ALK: variants seen among roughly 807,000 people sequenced by gnomAD.
ALK encodes the protein ALK tyrosine kinase receptor.
Under a neutral mutation model 163.1 loss-of-function variants are expected in ALK, and 74 were observed. That is an observed-to-expected ratio of 0.45 (90% CI 0.38 to 0.55). The LOEUF is 0.55. Ranked by LOEUF, ALK falls within the 20% of genes least tolerant of loss-of-function variation. The pLI, the probability that ALK is intolerant of heterozygous loss-of-function variation, is 0.00. For missense variants in ALK, 2,063 were observed against 2,105.3 expected, an observed-to-expected ratio of 0.98 and a Z score of 0.39; for synonymous variants, 960 against 843.2, an observed-to-expected ratio of 1.14 and a Z score of -2.40.
intron 3 of ALK, among the ~76,000 whole-genome samples, chr2:29,587,946 C>G (rs1433830981): frequency 2.0e-5 from 3 of 152,184 alleles, no homozygotes; most frequent in Non-Finnish European, 4.4e-5. Flanking sequence ...GCATCTAACC[C>G]TCCTCTTGGT....
intron 1 of ALK, among the ~76,000 whole-genome samples, chr2:29,721,283 C>T (rs1679414027): frequency 6.6e-6 from 1 of 152,182 alleles, no homozygotes; most frequent in South Asian, 2.1e-4. Flanking sequence ...AATTTCATTT[C>T]ACACAATCTC....
intron 1 of ALK, among the ~76,000 whole-genome samples, chr2:29,795,080 G>A (rs770750542): frequency 3.9e-5 from 6 of 152,154 alleles, no homozygotes; most frequent in African/African-American, 7.2e-5. Flanking sequence ...TACAACAAAC[G>A]TAGTAGATGG....
chr2:29,490,696 A>C (rs1014758759), intron 4 of ALK, among the ~76,000 whole-genome samples: 26 of 152,216 alleles, frequency 1.7e-4, no homozygotes, highest in Non-Finnish European at 2.9e-5. Flanking sequence ...TAGATTCCCC[A>C]GAGTAATGTT....
chr2:29,430,717 T>C (rs1412860470), intron 4 of ALK, among the ~76,000 whole-genome samples: 1 of 152,210 alleles, frequency 6.6e-6, no homozygotes, highest in East Asian at 1.9e-4. Flanking sequence ...TATTGCCTGG[T>C]ATAAAGAGAG....
intron 3 of ALK, among the ~76,000 whole-genome samples, chr2:29,616,542 C>A (rs1291041477): frequency 6.6e-6 from 1 of 152,134 alleles, no homozygotes; most frequent in Non-Finnish European, 1.5e-5. Context: ...AAGACAGACA[C>A]AAAGGTTAAG....
chr2:29,561,835 G>T (rs1013521375), intron 3 of ALK, among the ~76,000 whole-genome samples: 2 of 152,160 alleles, frequency 1.3e-5, no homozygotes, highest in Admixed American at 6.5e-5. Flanking sequence ...GGCATGGGGG[G>T]TAGTGGTGGT....
At chr2:29,596,603 G>T (rs1675222784) in intron 3 of ALK, among the ~76,000 whole-genome samples, 1 of 152,172 alleles carries the variant, frequency 6.6e-6, no homozygotes, top group African/African-American at 2.4e-5. Flanking sequence ...CTAGAGAGGT[G>T]AGCAGGGCCA....
Position 29,251,172 on chromosome 2 carries a change from C to G in ALK, c.2137G>C (p.Glu713Gln), listed in dbSNP as rs2148197410. 1 of 1,614,186 alleles carries G rather than the reference C, an allele frequency of 6.2e-7. No individual in the cohort carries two copies. The highest frequency in any genetic ancestry group is 8.5e-7 in the Non-Finnish European group (1 of 1,180,020). Reference protein sequence around the residue: ...NAYQNSNLSVEVGSEGPLKGI... With the variant: ...NAYQNSNLSVQVGSEGPLKGI... ...TTCAGGGGGCCCTCGCTCCCCACCT[C>G]CACGCTCAGGTTGGAGTTCTGGTAG... Residue 713 changes from glutamate (E) to glutamine (Q), a missense_variant, in exon 12 of 29, where the codon GAG becomes CAG. By Grantham distance (29) the Glu-to-Gln change is conservative (BLOSUM62 2). Around this residue, in one of 5 missense-constraint regions of ALK, gnomAD observed 987 missense variants for 939.5 expected, o/e 1.05. Transcript: ENST00000389048.
chr2:29,761,759 C>A (rs1241425188), intron 1 of ALK, among the ~76,000 whole-genome samples: 1 of 152,188 alleles, frequency 6.6e-6, no homozygotes, highest in African/African-American at 2.4e-5. Flanking sequence ...CCTCTGTGAA[C>A]AAGAGTCACC....
At chr2:29,288,954 AAAAAT>A (rs1217505789) in intron 9 of ALK, among the ~76,000 whole-genome samples, 5 of 33,976 alleles carry the variant, frequency 1.5e-4, no homozygotes, top group African/African-American at 2.6e-4. Flanking sequence ...TCCTTCTCAA[AAAAAT>A]AAATAAATAA....
At chr2:29,876,756 GTGATGGTGATGA>G (rs1187985174) in intron 1 of ALK, among the ~76,000 whole-genome samples, 3 of 151,084 alleles carry the variant, frequency 2.0e-5, no homozygotes, top group South Asian at 2.1e-4. Flanking sequence ...GATGATGGTG[GTGATGGTGATGA>G]TGATGGTGAT....
chr2:29,453,844 C>G (rs568093850), intron 4 of ALK, among the ~76,000 whole-genome samples: 2 of 152,054 alleles, frequency 1.3e-5, no homozygotes, highest in Non-Finnish European at 2.9e-5. Flanking sequence ...TGTTAAGGAC[C>G]TCAGAGAAAA....
intron 4 of ALK, among the ~76,000 whole-genome samples, chr2:29,390,900 G>C (rs1669151791): frequency 6.6e-6 from 1 of 152,184 alleles, no homozygotes; most frequent in Non-Finnish European, 1.5e-5. Flanking sequence ...TTATTCACTT[G>C]CCCTTCATAC....
chr2:29,357,625 A>G (rs1431686117), intron 5 of ALK, among the ~76,000 whole-genome samples: 5 of 152,160 alleles, frequency 3.3e-5, no homozygotes, highest in Non-Finnish European at 1.5e-5. Context: ...GGCAAACCTG[A>G]GGCCCCATCT....
chr2:29,234,631 C>G (rs1451129592), intron 13 of ALK, among the ~76,000 whole-genome samples: 1 of 152,174 alleles, frequency 6.6e-6, no homozygotes, highest in Non-Finnish European at 1.5e-5. Context: ...CCCTCGATCT[C>G]TGATCTTCCA....
intron 3 of ALK, among the ~76,000 whole-genome samples, chr2:29,646,707 C>T (rs1676885066): frequency 6.6e-6 from 1 of 152,138 alleles, no homozygotes; most frequent in South Asian, 2.1e-4. Context: ...TCGGCCCTCG[C>T]AAGATGGCTG....
Position 29,611,540 on chromosome 2 carries a change from C to G in ALK, c.953-79424G>C, listed in dbSNP as rs114944459. On this transcript the variant is annotated intron_variant, in intron 3 of 28. Coordinates refer to ENST00000389048, the MANE Select transcript of ALK (RefSeq NM_004304.5). ...AATGGTTATGTCAACCATCTGAACT[C>G]TTACCTTAAGGAAAGAGGAGGTTAT... 4.7e-3 allele frequency among the ~76,000 whole-genome samples: 712 copies of G among 152,282 alleles called. 2 individuals carry two copies. Among genetic ancestry groups the G allele is most frequent in the African/African-American group, 0.017 (687 of 41,532 alleles).
At chr2:29,617,837 A>C (rs1675899598) in intron 3 of ALK, among the ~76,000 whole-genome samples, 3 of 152,182 alleles carry the variant, frequency 2.0e-5, no homozygotes, top group African/African-American at 7.2e-5. Flanking sequence ...TGTGCATGTG[A>C]CTATTGCCAT....
At chr2:29,205,680 G>A (rs1441326643) in intron 26 of ALK, among the ~76,000 whole-genome samples, 1 of 152,110 alleles carries the variant, frequency 6.6e-6, no homozygotes, top group East Asian at 1.9e-4. Context: ...CTTCTTTTGT[G>A]TGTGTGAAAT....
Sources: gnomAD v4.1 joint callset for allele counts (sites outside exome capture counted in the v4.1 genomes callset) on GRCh38, gnomAD v4.1.1 for gene constraint, gnomAD v4.1.1 regional missense constraint, MANE v1.5 for transcripts, NCBI Gene and HGNC (gene_info 2026-07-23, HGNC 2026-07-21) for gene names.